MATN1: variants seen among roughly 807,000 people sequenced by gnomAD.
MATN1 encodes the protein matrilin-1.
A neutral mutation model predicts 41.3 loss-of-function variants in MATN1; 34 were observed. That is an observed-to-expected ratio of 0.82 (90% CI 0.63 to 1.10). The LOEUF (loss-of-function observed/expected upper bound fraction) is 1.10. Among genes scored for constraint, MATN1 ranks in the 50% least tolerant of loss-of-function variants. The pLI, the probability that MATN1 is intolerant of heterozygous loss-of-function variation, is 0.00. For synonymous variants in MATN1, 264 were observed against 278.7 expected (o/e 0.95, Z 0.53); for missense variants, 602 against 662.4 (o/e 0.91, Z 1.00).
rs961208194 is a variant in MATN1, at chr1:30,718,890, G to C, written c.509C>G (p.Ala170Gly). The C allele has an allele frequency of 1.9e-6, 3 of 1,588,064 alleles. No homozygotes were observed. Among genetic ancestry groups the C allele is most frequent in the Non-Finnish European group, 2.6e-6 (3 of 1,171,590 alleles). Residue 170 changes from alanine (A) to glycine (G), a missense_variant, in exon 3 of 8, where the codon GCC becomes GGC. By Grantham distance (60) the Ala-to-Gly change is moderately conservative (BLOSUM62 0). Transcript: ENST00000373765. ...SVQDVSARAR[A>G]SGVELFAIGV... ...GATGGCGAACAGCTCGACGCCGCTGGCCCGGGCCCGCGCAGACACGTCCTG... is the reference window on the plus strand; with the variant it reads ...GATGGCGAACAGCTCGACGCCGCTGCCCCGGGCCCGCGCAGACACGTCCTG...
chr1:30,714,233 C>G lies in MATN1; in HGVS notation c.1441+14G>C. ...CGCCCCTCCCCAGCCCCAGCCCCCT[C>G]TGGGAAGGGATATGTTTCCTGGTCA... is the stretch of plus-strand genomic sequence containing the variant. On this transcript the variant is annotated intron_variant, in intron 7 of 7. Transcript: ENST00000373765. 6.3e-7 allele frequency: 1 copy of G among 1,588,948 alleles called. No individual in the cohort carries two copies. The highest frequency in any genetic ancestry group is 8.6e-7 in the Non-Finnish European group (1 of 1,166,506).
chr1:30,715,211 C>G lies in MATN1; in HGVS notation c.1306G>C (p.Asp436His). The change falls in exon 6 of 8, where the codon GAC (aspartate) becomes CAC (histidine). Residue 436 changes from aspartate (D) to histidine (H), a missense_variant. Asp to His is a moderately conservative substitution (Grantham distance 81). Coordinates refer to ENST00000373765, the MANE Select transcript of MATN1 (RefSeq NM_002379.3). ...CCTATCTGGTTGATGGTCTTGAAGT[C>G]AGCCGTGTAGAAGTAGTGCTCTGCC... ...PVAEHYFYTADFKTINQIGKK... is the reference protein window; with the variant it reads ...PVAEHYFYTAHFKTINQIGKK... The G allele has an allele frequency of 1.2e-6, 2 of 1,614,250 alleles. No individual in the cohort carries two copies. Among genetic ancestry groups the G allele is most frequent in the Non-Finnish European group, 1.7e-6 (2 of 1,180,044 alleles).
chr1:30,711,311 A>G lies in MATN1; in HGVS notation c.*2271T>C, dbSNP rs1639540891. On this transcript the variant is annotated 3_prime_UTR_variant, in exon 8 of 8. Coordinates refer to ENST00000373765, the MANE Select transcript of MATN1 (RefSeq NM_002379.3). Reference sequence around the variant, plus strand: ...TCCTGTTTATTTATACAAAATTCAAAAAAACAAAATTACAGGTTACAAAGT... The same window carrying G: ...TCCTGTTTATTTATACAAAATTCAAGAAAACAAAATTACAGGTTACAAAGT... 1 of 152,264 alleles carries G rather than the reference A, an allele frequency of 6.6e-6. No individual in the cohort carries two copies. The highest frequency in any genetic ancestry group is 6.5e-5 in the Admixed American group (1 of 15,290). 9.4% of individuals were successfully genotyped at this position (152,264 alleles called of 1,614,324 possible).
intron 6 of MATN1, 103 bp downstream of exon 6, chr1:30,715,054 C>T: frequency 7.0e-7 from 1 of 1,424,022 alleles, no homozygotes. Flanking sequence ...TTGGTGCCAC[C>T]TCGGCCCCTG....
At position 30,714,228 on chromosome 1, in the gene MATN1, C is replaced by T; in HGVS notation, c.1441+19G>A. ...GCCTGCGCCCCTCCCCAGCCCCAGCCCCCTCTGGGAAGGGATATGTTTCCT... is the reference window on the plus strand; with the variant it reads ...GCCTGCGCCCCTCCCCAGCCCCAGCTCCCTCTGGGAAGGGATATGTTTCCT... On this transcript the variant is annotated intron_variant, in intron 7 of 7. Transcript: ENST00000373765. 1 of 1,581,870 alleles carries T rather than the reference C, an allele frequency of 6.3e-7. No homozygotes were observed. Among genetic ancestry groups the T allele is most frequent in the Non-Finnish European group, 8.6e-7 (1 of 1,162,122 alleles).
At position 30,718,759 on chromosome 1, in the gene MATN1, T is replaced by G. The variant is rs778726457; in HGVS notation, c.640A>C (p.Arg214=). The G allele has an allele frequency of 1.0e-5, 16 of 1,599,126 alleles. No homozygotes were observed. In the Middle Eastern group the frequency reaches 1.5e-3, roughly 152 times the overall value. Residue 214 remains arginine (R), a synonymous_variant, in exon 3 of 8, where the codon AGG becomes CGG. Coordinates refer to ENST00000373765, the MANE Select transcript of MATN1 (RefSeq NM_002379.3). ...ESYSVIEKLS[R]KFQEAFCVVS... ...CCGCAGAAGGCCTCCTGGAACTTCC[T>G]GGACAGCTTCTCGATGACGCTGTAG...
chr1:30,715,936 C>G lies in MATN1; in HGVS notation c.1180G>C (p.Asp394His), dbSNP rs189562443. Reference protein sequence around the residue: ...TDGRSQDYINDAAKKAKDLGF... With the variant: ...TDGRSQDYINHAAKKAKDLGF... ...AGGTCTTTGGCCTTCTTGGCAGCAT[C>G]ATTAATGTAGTCCTGGCTCCGGCCA... The change falls in exon 5 of 8, where the codon GAT (aspartate) becomes CAT (histidine). Residue 394 changes from aspartate (D) to histidine (H), a missense_variant. By Grantham distance (81) the Asp-to-His change is moderately conservative. Transcript: ENST00000373765. 1.4e-5 allele frequency: 22 copies of G among 1,614,046 alleles called. No individual in the cohort carries two copies. The East Asian group carries it at 4.7e-4, about 34-fold the overall frequency.
At chr1:30,714,024 T>G (rs1003428148) in intron 7 of MATN1, 5 of 594,450 alleles carry the variant, frequency 8.4e-6, no homozygotes, top group Non-Finnish European at 1.5e-5. Context: ...AGTCCCTAGA[T>G]CCTGGCTTCT....
Position 30,721,582 on chromosome 1 carries a change from G to C in MATN1, c.264C>G (p.Thr88=). 6.2e-7 allele frequency: 1 copy of C among 1,613,456 alleles called. No homozygotes were observed. Residue 88 remains threonine, a synonymous_variant, in exon 2 of 8, where the codon ACC becomes ACG. Coordinates refer to ENST00000373765, the MANE Select transcript of MATN1 (RefSeq NM_002379.3). ...TRVGMVNYAS[T]VKQEFSLRAH... is the part of the protein sequence containing the mutation. ...CCCGCAGCGAGAACTCCTGCTTCAC[G>C]GTGCTGGCATAGTTGACCATGCCCA...
At chr1:30,714,754 G>T (rs1639594843) in intron 6 of MATN1, among the ~76,000 whole-genome samples, 1 of 152,120 alleles carries the variant, frequency 6.6e-6, no homozygotes, top group Non-Finnish European at 1.5e-5. Context: ...GTCTGGCTCT[G>T]AAACCCACAC....
chr1:30,719,100 G>T, intron 2 of MATN1, 143 bp from the exon 3 acceptor site: 1 of 594,012 alleles, frequency 1.7e-6, no homozygotes. Context: ...CCGGCTGGCC[G>T]AAGAGGAGAC....
At chr1:30,716,963 G>A in intron 3 of MATN1, 48 bp from the exon 4 acceptor site, 1 of 1,566,680 alleles carries the variant, frequency 6.4e-7, no homozygotes, top group Non-Finnish European at 8.7e-7. Flanking sequence ...AGTGCCTTGG[G>A]CACTACAGAC....
At chr1:30,717,052 A>G in intron 3 of MATN1, 137 bp from the exon 4 acceptor site, 1 of 970,538 alleles carries the variant, frequency 1.0e-6, no homozygotes, top group Non-Finnish European at 1.5e-6. Flanking sequence ...ACTGGGGCCC[A>G]GGCCCCCGAC....
At chr1:30,720,728 T>C (rs1043363169) in intron 2 of MATN1, 1 of 152,414 alleles carries the variant, frequency 6.6e-6, no homozygotes, top group Non-Finnish European at 1.5e-5. Context: ...ACACCTGGCT[T>C]AGCCTCAGGT....
In MATN1 at chr1:30,716,004, C is replaced by A. The variant is rs1437565939; in HGVS notation, c.1112G>T (p.Gly371Val). Residue 371 changes from glycine to valine, a missense_variant, in exon 5 of 8, where the codon GGG becomes GTG. By Grantham distance (109) the Gly-to-Val change is moderately radical. Coordinates refer to ENST00000373765, the MANE Select transcript of MATN1 (RefSeq NM_002379.3). ...CACCTTCTGGGCCCCGGGCCTAGCCCCACTGGACACAGTGAAGGAATTGTC... is the reference window on the plus strand; with the variant it reads ...CACCTTCTGGGCCCCGGGCCTAGCCACACTGGACACAGTGAAGGAATTGTC... ...LIDNSFTVSS[G>V]ARPGAQKVGI... 1 of 1,614,124 alleles carries A rather than the reference C, an allele frequency of 6.2e-7. No homozygotes were observed. Among genetic ancestry groups the A allele is most frequent in the African/African-American group, 1.3e-5 (1 of 74,940 alleles).
At chr1:30,721,272 G>T in intron 2 of MATN1, 133 bp downstream of exon 2, 2 of 895,764 alleles carry the variant, frequency 2.2e-6, no homozygotes, top group Non-Finnish European at 1.7e-6. Context: ...GCCCCTCTCT[G>T]ACCCTGTTTC....
chr1:30,720,359 C>T (rs1465860704), intron 2 of MATN1: 1 of 152,290 alleles, frequency 6.6e-6, no homozygotes, highest in East Asian at 1.9e-4. Context: ...TACAGCACCC[C>T]GTGCTGAAAC....
rs777707200 is a variant in MATN1, at chr1:30,718,720, C to G, written c.664+15G>C. On this transcript the variant is annotated intron_variant, in intron 3 of 7. Transcript: ENST00000373765. The stretch of plus-strand genomic sequence containing the variant: ...TCCGCCCCTGCCCTGGCTCCGCCCC[C>G]GCCTGCCCGCGCACCGCAGAAGGCC... 1 of 1,565,334 alleles carries G rather than the reference C, an allele frequency of 6.4e-7. No homozygotes were observed. Among genetic ancestry groups the G allele is most frequent in the South Asian group, 1.2e-5 (1 of 86,482 alleles).
At chr1:30,713,863 C>G in intron 7 of MATN1, 1 of 597,630 alleles carries the variant, frequency 1.7e-6, no homozygotes. Flanking sequence ...GGGTTCCCCA[C>G]CTAGTCCTGG....
Sources: gnomAD v4.1 joint callset for allele counts (sites outside exome capture counted in the v4.1 genomes callset) on GRCh38, gnomAD v4.1.1 for gene constraint, MANE v1.5 for transcripts, NCBI Gene and HGNC (gene_info 2026-07-23, HGNC 2026-07-21) for gene names.